Variants in MEF2C observed in about 807,000 individuals in gnomAD.
MEF2C encodes the protein myocyte enhancer factor 2C, also known as myocyte-specific enhancer factor 2C.
A neutral mutation model predicts 50.5 loss-of-function variants in MEF2C; 6 were observed. The ratio of observed to expected loss-of-function variants is 0.12; its 90% CI spans 0.07 to 0.23. The LOEUF is 0.23. MEF2C is among the 10% of genes least tolerant of loss of function. MEF2C has a pLI of 1.00. For synonymous variants in MEF2C, 183 were observed against 228.0 expected (o/e 0.80, Z 1.78); for missense variants, 276 against 605.0 (o/e 0.46, Z 5.70).
intron 6 of MEF2C, chr5:88,742,582 T>A: frequency 2.0e-6 from 2 of 984,596 alleles, no homozygotes; most frequent in Non-Finnish European, 2.4e-6. Flanking sequence ...TAAAATCTGC[T>A]AAAACACTCT....
intron 3 of MEF2C, chr5:88,766,726 C>T (rs1417125204): frequency 4.1e-6 from 4 of 985,236 alleles, no homozygotes; most frequent in South Asian, 4.7e-5. Flanking sequence ...AGTAATCACA[C>T]TTTGTTGCAT....
chr5:88,903,975 G>T (rs992683996), exon 1 of MEF2C: 4 of 152,056 alleles, frequency 2.6e-5, no homozygotes, highest in Non-Finnish European at 5.9e-5. Flanking sequence ...GGGCTTTGTT[G>T]TCCAAACCCT....
chr5:88,876,319 G>A (rs2149997362), intron 1 of MEF2C, among the ~76,000 whole-genome samples: 1 of 151,978 alleles, frequency 6.6e-6, no homozygotes, highest in Non-Finnish European at 1.5e-5. Context: ...ACTGCAATTA[G>A]GTAGTCGGTC....
chr5:88,833,009 T>G lies in MEF2C; in HGVS notation c.-142-9079A>C, dbSNP rs544176741. ...CATTAGCCTTGATGGGACATGTAAT[T>G]GTTCTTATGACTCAACCAACAGATG... is the stretch of plus-strand genomic sequence containing the variant. On this transcript the variant is annotated intron_variant, in intron 1 of 10. Coordinates refer to ENST00000504921, the MANE Select transcript of MEF2C (RefSeq NM_002397.5). Among the ~76,000 whole-genome samples the G allele has an allele frequency of 5.9e-5, 9 of 152,266 alleles. No individual in the cohort carries two copies. The South Asian group carries it at 1.9e-3, about 32-fold the overall frequency.
At chr5:88,779,277 T>C (rs911472809) in intron 3 of MEF2C, among the ~76,000 whole-genome samples, 8 of 152,042 alleles carry the variant, frequency 5.3e-5, no homozygotes, top group African/African-American at 1.7e-4. Flanking sequence ...AACAGTACCA[T>C]TAAAAGGAAG....
chr5:88,845,692 T>A (rs1819065815), intron 1 of MEF2C, among the ~76,000 whole-genome samples: 3 of 152,228 alleles, frequency 2.0e-5, no homozygotes, highest in African/African-American at 7.2e-5. Context: ...TACACATTTT[T>A]ATCTTACATA....
chr5:88,792,816 T>C (rs1794393014), intron 3 of MEF2C, among the ~76,000 whole-genome samples: 1 of 152,220 alleles, frequency 6.6e-6, no homozygotes, highest in African/African-American at 2.4e-5. Context: ...TGTTTTTAAA[T>C]TGTGCTTTGA....
At chr5:88,739,432 A>G (rs1360340005) in intron 6 of MEF2C, 2 of 956,928 alleles carry the variant, frequency 2.1e-6, no homozygotes, top group African/African-American at 3.5e-5. Context: ...ACTATCATCA[A>G]TTAATTTTAT....
chr5:88,903,072 T>C (rs1835822262), intron 1 of MEF2C, among the ~76,000 whole-genome samples: 1 of 152,044 alleles, frequency 6.6e-6, no homozygotes, highest in South Asian at 2.1e-4. Context: ...TTTAAAAATA[T>C]GTCCTAACAT....
intron 6 of MEF2C, chr5:88,743,296 T>C: frequency 1.7e-5 from 17 of 985,278 alleles, no homozygotes; most frequent in Non-Finnish European, 2.0e-5. Context: ...CTTTTTAAAC[T>C]AAATTTTTAA....
chr5:88,781,582 G>A (rs1412862358), intron 3 of MEF2C, among the ~76,000 whole-genome samples: 1 of 152,138 alleles, frequency 6.6e-6, no homozygotes, highest in Non-Finnish European at 1.5e-5. Context: ...AAAGGGCAGG[G>A]CTTTTATTAT....
chr5:88,776,246 T>G (rs190940152), intron 3 of MEF2C, among the ~76,000 whole-genome samples: 1 of 152,334 alleles, frequency 6.6e-6, no homozygotes, highest in East Asian at 1.9e-4. Context: ...TACTTGTATA[T>G]ATTTATATGG....
At chr5:88,781,571 G>A (rs1788047999) in intron 3 of MEF2C, among the ~76,000 whole-genome samples, 1 of 152,200 alleles carries the variant, frequency 6.6e-6, no homozygotes, top group South Asian at 2.1e-4. Flanking sequence ...TCTTTTTTAT[G>A]AAAGGGCAGG....
intron 3 of MEF2C, among the ~76,000 whole-genome samples, chr5:88,777,828 T>C (rs1413627841): frequency 6.6e-6 from 1 of 151,804 alleles, no homozygotes; most frequent in Non-Finnish European, 1.5e-5. Context: ...GTAGGTACTA[T>C]CTATCTAGTT....
chr5:88,823,663 T>C, intron 2 of MEF2C, 72 bp downstream of exon 2: 1 of 1,375,736 alleles, frequency 7.3e-7, no homozygotes, highest in Non-Finnish European at 1.0e-6. Flanking sequence ...CAAGATATTT[T>C]CTGTACCCTT....
chr5:88,793,306 C>T (rs1026393611), intron 3 of MEF2C, among the ~76,000 whole-genome samples: 6 of 151,408 alleles, frequency 4.0e-5, no homozygotes, highest in African/African-American at 1.2e-4. Context: ...TACGTATGTA[C>T]GATGTGGCTT....
At chr5:88,774,472 G>A (rs958553825) in intron 3 of MEF2C, among the ~76,000 whole-genome samples, 1 of 151,768 alleles carries the variant, frequency 6.6e-6, no homozygotes, top group Non-Finnish European at 1.5e-5. Flanking sequence ...ACAGGCGCCC[G>A]CCACCACGCC....
chr5:88,756,392 A>G (rs1775329422), intron 4 of MEF2C, among the ~76,000 whole-genome samples: 1 of 152,182 alleles, frequency 6.6e-6, no homozygotes, highest in African/African-American at 2.4e-5. Flanking sequence ...TCCCACTTCT[A>G]AGTGAGAACA....
chr5:88,750,192 A>ATT (rs1409954306), intron 5 of MEF2C: 3 of 591,310 alleles, frequency 5.1e-6, no homozygotes, highest in Non-Finnish European at 6.4e-6. Flanking sequence ...TTATATATAT[A>ATT]CATATATATA....
Sources: allele counts gnomAD v4.1 joint callset (sites outside exome capture counted in the v4.1 genomes callset), GRCh38; gene constraint gnomAD v4.1.1; transcripts MANE v1.5; gene names NCBI Gene and HGNC (gene_info 2026-07-23, HGNC 2026-07-21).